Variants in DOCK4 observed in about 807,000 individuals in gnomAD.
DOCK4 encodes the protein dedicator of cytokinesis 4.
DOCK4 carries 97 observed loss-of-function variants against 268.1 expected under a neutral mutation model. The ratio of observed to expected loss-of-function variants is 0.36; its 90% CI spans 0.31 to 0.43. The LOEUF (loss-of-function observed/expected upper bound fraction) is 0.43. Among genes scored for constraint, DOCK4 ranks in the 20% least tolerant of loss-of-function variants. DOCK4 has a pLI of 1.00. For synonymous variants in DOCK4, 954 were observed against 887.2 expected, an observed-to-expected ratio of 1.08 and a Z score of -1.34; for missense variants, 2,145 against 2,455.7, an observed-to-expected ratio of 0.87 and a Z score of 2.67.
chr7:111,971,823 A>G, intron 8 of DOCK4: 1 of 301,238 alleles, frequency 3.3e-6, no homozygotes, highest in South Asian at 3.5e-5. Context: ...TGCCACAGCA[A>G]CCTGATATAG....
intron 1 of DOCK4, among the ~76,000 whole-genome samples, chr7:112,111,531 T>TG (rs1197638219): frequency 6.6e-6 from 1 of 151,962 alleles, no homozygotes; most frequent in African/African-American, 2.4e-5. Context: ...TTTGTTATCT[T>TG]GCCATTTTTT....
At chr7:111,946,312 C>T (rs1795615253) in intron 8 of DOCK4, among the ~76,000 whole-genome samples, 1 of 152,104 alleles carries the variant, frequency 6.6e-6, no homozygotes, top group Non-Finnish European at 1.5e-5. Flanking sequence ...TTTCTTTGGT[C>T]AACAAACGAA....
At chr7:112,130,082 C>T (rs1243754694) in intron 1 of DOCK4, among the ~76,000 whole-genome samples, 2 of 152,078 alleles carry the variant, frequency 1.3e-5, no homozygotes, top group East Asian at 1.9e-4. Flanking sequence ...GGAGGCTTCC[C>T]GCATTCAGGG....
chr7:111,904,281 T>C (rs930543357), intron 13 of DOCK4, among the ~76,000 whole-genome samples: 2 of 152,194 alleles, frequency 1.3e-5, no homozygotes, highest in Non-Finnish European at 2.9e-5. Flanking sequence ...GCCAGGAAGA[T>C]TCAGTAGTGA....
chr7:111,962,556 A>C (rs1797005043), intron 8 of DOCK4, among the ~76,000 whole-genome samples: 1 of 152,188 alleles, frequency 6.6e-6, no homozygotes, highest in Non-Finnish European at 1.5e-5. Context: ...CGTGCGGTAC[A>C]CAAGACACAC....
At chr7:111,997,899 A>G (rs557628674) in intron 4 of DOCK4, among the ~76,000 whole-genome samples, 119 of 152,342 alleles carry the variant, frequency 7.8e-4, no homozygotes, top group Non-Finnish European at 1.3e-3. Flanking sequence ...CCTTTTGGAA[A>G]TAAGACTAGA....
chr7:111,935,350 A>T (rs1296923342), intron 12 of DOCK4, 190 bp downstream of exon 12: 1 of 652,778 alleles, frequency 1.5e-6, no homozygotes, highest in Admixed American at 2.3e-5. Context: ...TACATTTTTT[A>T]TAGGGAGTTA....
intron 1 of DOCK4, among the ~76,000 whole-genome samples, chr7:112,029,124 G>C (rs1352530975): frequency 6.6e-6 from 1 of 152,144 alleles, no homozygotes; most frequent in African/African-American, 2.4e-5. Flanking sequence ...TCTGAAATGT[G>C]CCTGCTCATT....
At chr7:112,091,206 C>T (rs1359438389) in intron 1 of DOCK4, among the ~76,000 whole-genome samples, 1 of 152,148 alleles carries the variant, frequency 6.6e-6, no homozygotes, top group Non-Finnish European at 1.5e-5. Context: ...AACTAATTCG[C>T]AGACATAATT....
chr7:111,832,218 C>A (rs1315812779), intron 26 of DOCK4, among the ~76,000 whole-genome samples: 3 of 152,186 alleles, frequency 2.0e-5, no homozygotes, highest in Non-Finnish European at 4.4e-5. Context: ...ATATATCTAG[C>A]ACACTCCTAC....
intron 16 of DOCK4, among the ~76,000 whole-genome samples, chr7:111,894,863 T>A: frequency 6.6e-6 from 1 of 152,084 alleles, no homozygotes; most frequent in Non-Finnish European, 1.5e-5. Context: ...GCTCCTTAGA[T>A]GAGTGACCCT....
chr7:111,751,821 T>C (rs749747325), intron 42 of DOCK4, among the ~76,000 whole-genome samples: 3 of 152,136 alleles, frequency 2.0e-5, no homozygotes, highest in African/African-American at 4.8e-5. Flanking sequence ...GGTATGATCA[T>C]AGTTCACTGT....
In DOCK4 at chr7:112,056,122, C is replaced by T. The variant is rs112863031; in HGVS notation, c.38-51991G>A. On this transcript the variant is annotated intron_variant, in intron 1 of 52. Coordinates refer to ENST00000428084, the MANE Select transcript of DOCK4 (RefSeq NM_001363540.2). ...GAGAGCAGCAGGTGGGAAAGGGATA[C>T]GGCAGGTGATGAGACCAGGTAGACT... is the stretch of plus-strand genomic sequence containing the variant. Among the ~76,000 whole-genome samples the T allele has an allele frequency of 3.1e-3, 477 of 152,198 alleles. 3 individuals are homozygous for T. Among genetic ancestry groups the T allele is most frequent in the African/African-American group, 0.011 (457 of 41,548 alleles).
At position 112,004,034 on chromosome 7, in the gene DOCK4, A is replaced by G. The variant is rs1196297584; in HGVS notation, c.121+14T>C. 1.3e-6 allele frequency: 2 copies of G among 1,586,864 alleles called. No homozygotes were observed. The highest frequency in any genetic ancestry group is 1.3e-5 in the African/African-American group (1 of 74,610). On this transcript the variant is annotated intron_variant, in intron 2 of 52. Coordinates refer to ENST00000428084, the MANE Select transcript of DOCK4 (RefSeq NM_001363540.2). ...CAGCCGTATGTTGAGGAGGTTGTTC[A>G]TAAGGCTACTCACCATCACACTTCT...
In DOCK4 at chr7:111,742,143, A is replaced by C; in HGVS notation, c.4678-11T>G. On this transcript the variant is annotated splice_polypyrimidine_tract_variant and intron_variant, in intron 44 of 52. Transcript: ENST00000428084. ...TTCCAGAATCTGTGCCTTAATTCAC[A>C]ACATAAGGAAAAAACCTCACATCAA... 6.3e-7 allele frequency: 1 copy of C among 1,576,302 alleles called. No individual in the cohort carries two copies. Among genetic ancestry groups the C allele is most frequent in the Non-Finnish European group, 8.6e-7 (1 of 1,163,812 alleles).
chr7:112,016,818 T>C (rs1801848439), intron 1 of DOCK4, among the ~76,000 whole-genome samples: 1 of 152,232 alleles, frequency 6.6e-6, no homozygotes, highest in South Asian at 2.1e-4. Flanking sequence ...GAAAAACATT[T>C]CATTTATTTC....
At chr7:112,036,620 A>G (rs1471193165) in intron 1 of DOCK4, among the ~76,000 whole-genome samples, 1 of 151,024 alleles carries the variant, frequency 6.6e-6, no homozygotes, top group Non-Finnish European at 1.5e-5. Context: ...ATATATATAC[A>G]GACAATTCCC....
rs1799742148 is a variant in DOCK4 at position 111,994,126 on chromosome 7, C to G, written c.315+9G>C. 1.3e-6 allele frequency: 2 copies of G among 1,558,774 alleles called. No individual in the cohort carries two copies. Among genetic ancestry groups the G allele is most frequent in the African/African-American group, 1.4e-5 (1 of 72,554 alleles). On this transcript the variant is annotated intron_variant, in intron 5 of 52. Coordinates refer to ENST00000428084, the MANE Select transcript of DOCK4 (RefSeq NM_001363540.2). ...CCCGAAAAATCGTGTCATTAAAAAG[C>G]TACTTAACCACATAGAGTTGTTTCC...
rs1451135443 is a variant in DOCK4, at chr7:112,093,404, C to T, written c.38-89273G>A. ...ATATACTCTTCACGAAAATAATCCA[C>T]TACCTAATATTGTGACGACATTTAA... is the stretch of plus-strand genomic sequence containing the variant. On this transcript the variant is annotated intron_variant, in intron 1 of 52. Coordinates refer to ENST00000428084, the MANE Select transcript of DOCK4 (RefSeq NM_001363540.2). 2.6e-5 allele frequency among the ~76,000 whole-genome samples: 4 copies of T among 152,192 alleles called. No homozygotes were observed. In the East Asian group the frequency reaches 7.7e-4, roughly 29 times the overall value.
Sources: gnomAD v4.1 joint callset for allele counts (sites outside exome capture counted in the v4.1 genomes callset) on GRCh38, gnomAD v4.1.1 for gene constraint, MANE v1.5 for transcripts, NCBI Gene and HGNC (gene_info 2026-07-23, HGNC 2026-07-21) for gene names.